F2RL1: variants seen among roughly 807,000 people sequenced by gnomAD.
F2RL1 encodes the protein proteinase-activated receptor 2.
F2RL1 carries 16 observed loss-of-function variants against 21.7 expected under a neutral mutation model. The observed-to-expected ratio is 0.74, with a 90% CI of 0.50 to 1.12. F2RL1 has a LOEUF of 1.12. Ranked by LOEUF, F2RL1 falls within the 50% of genes most tolerant of loss-of-function variation. The pLI is 0.00. For missense variants in F2RL1, 432 were observed against 477.8 expected (o/e 0.90, Z 0.89); for synonymous variants, 181 against 186.7 (o/e 0.97, Z 0.25).
At chr5:76,821,914 T>G (rs552305730) in intron 1 of F2RL1, among the ~76,000 whole-genome samples, 1 of 152,026 alleles carries the variant, frequency 6.6e-6, no homozygotes, top group Non-Finnish European at 1.5e-5. Context: ...AAACAATATG[T>G]GATCACTCGA....
Position 76,819,038 on chromosome 5 carries a change from ACCCG to A in F2RL1, c.-141_-138del. On this transcript the variant is annotated 5_prime_UTR_variant, in exon 1 of 2. Coordinates refer to ENST00000296677, the MANE Select transcript of F2RL1 (RefSeq NM_005242.6). The stretch of plus-strand genomic sequence containing the variant: ...GCTCCTTCGGTTTCCCTGAAACCTA[ACCCG>A]CCCTGGGGAGGCGCGCAGCAGAGGC... The A allele has an allele frequency of 3.0e-6, 2 of 669,752 alleles. No homozygotes were observed. Among genetic ancestry groups the A allele is most frequent in the South Asian group, 1.9e-5 (1 of 52,804 alleles). 41.5% of individuals were successfully genotyped at this position (669,752 alleles called of 1,614,324 possible). A position where few individuals can be genotyped will look rare whatever the true frequency, so the allele number is the denominator to read the frequency against.
chr5:76,825,023 T>C (rs1315080334), intron 1 of F2RL1, among the ~76,000 whole-genome samples: 1 of 150,626 alleles, frequency 6.6e-6, no homozygotes, highest in Non-Finnish European at 1.5e-5. Flanking sequence ...TTTTTTTTTT[T>C]TTGAGACAGA....
Position 76,833,922 on chromosome 5 carries a change from C to A in F2RL1, c.*121C>A. The A allele has an allele frequency of 9.3e-7, 1 of 1,076,660 alleles. No homozygotes were observed. Among genetic ancestry groups the A allele is most frequent in the Non-Finnish European group, 1.3e-6 (1 of 749,534 alleles). The allele number at this position is 1,076,660 out of a possible 1,614,324, so 66.7% of individuals were successfully genotyped here. On this transcript the variant is annotated 3_prime_UTR_variant, in exon 2 of 2. Coordinates refer to ENST00000296677, the MANE Select transcript of F2RL1 (RefSeq NM_005242.6). ...CACCACATACCATGTGGATGCAGCA[C>A]CTCTCAGGATTGCTAGGAGCTCCCC...
In F2RL1 at chr5:76,819,162, G is replaced by A. The variant is rs762077297; in HGVS notation, c.-21G>A. On this transcript the variant is annotated 5_prime_UTR_variant, in exon 1 of 2. Coordinates refer to ENST00000296677, the MANE Select transcript of F2RL1 (RefSeq NM_005242.6). ...GCGGCGGCGGATTCCCCGCGCGCCCGGCGTCGGGGCTTCCAGGAGGATGCG... is the reference window on the plus strand; with the variant it reads ...GCGGCGGCGGATTCCCCGCGCGCCCAGCGTCGGGGCTTCCAGGAGGATGCG... 1.3e-6 allele frequency: 2 copies of A among 1,563,434 alleles called. No individual in the cohort carries two copies. The highest frequency in any genetic ancestry group is 1.2e-5 in the South Asian group (1 of 86,256).
At chr5:76,829,233 C>CT (rs747565946) in intron 1 of F2RL1, among the ~76,000 whole-genome samples, 19 of 149,848 alleles carry the variant, frequency 1.3e-4, no homozygotes, top group East Asian at 1.9e-4. Flanking sequence ...ACCTCCACAC[C>CT]TTTTTTTTAC....
At chr5:76,823,148 T>G (rs1339372796) in intron 1 of F2RL1, among the ~76,000 whole-genome samples, 1 of 150,986 alleles carries the variant, frequency 6.6e-6, no homozygotes, top group Non-Finnish European at 1.5e-5. Flanking sequence ...GAGAATGGCG[T>G]GAACCCGGGA....
In F2RL1 at chr5:76,819,210, C is replaced by G; in HGVS notation, c.28C>G (p.Leu10Val). The G allele has an allele frequency of 1.9e-6, 3 of 1,588,872 alleles. No homozygotes were observed. Among genetic ancestry groups the G allele is most frequent in the Non-Finnish European group, 2.5e-6 (3 of 1,176,544 alleles). Residue 10 changes from leucine to valine, a missense_variant, in exon 1 of 2, where the codon CTG becomes GTG. By Grantham distance (32) the Leu-to-Val change is conservative (BLOSUM62 1). Transcript: ENST00000296677. ...GCGGAGCCCCAGCGCGGCGTGGCTG[C>G]TGGGGGCCGCCATCCTGCTAGCAGC... MRSPSAAWL[L>V]GAAILLAASL... is the part of the protein sequence containing the mutation.
In F2RL1 at chr5:76,833,188, T is replaced by C. The variant is rs769593247; in HGVS notation, c.581T>C (p.Ile194Thr). Residue 194 changes from isoleucine to threonine, a missense_variant, in exon 2 of 2, where the codon ATC (isoleucine) becomes ACC (threonine). Ile to Thr is a moderately conservative substitution (Grantham distance 89, BLOSUM62 -1). Coordinates refer to ENST00000296677, the MANE Select transcript of F2RL1 (RefSeq NM_005242.6). ...AAGAAGGCAAACATTGCCATTGGCA[T>C]CTCCCTGGCAATATGGCTGCTGATT... Reference protein sequence around the residue: ...SRKKANIAIGISLAIWLLILL... With the variant: ...SRKKANIAIGTSLAIWLLILL... The C allele has an allele frequency of 9.3e-6, 15 of 1,613,926 alleles. No homozygotes were observed. The highest frequency in any genetic ancestry group is 2.7e-5 in the African/African-American group (2 of 74,916).
At chr5:76,823,813 C>CTTT (rs5868840) in intron 1 of F2RL1, among the ~76,000 whole-genome samples, 19 of 127,226 alleles carry the variant, frequency 1.5e-4, no homozygotes, top group African/African-American at 2.7e-4. Flanking sequence ...TCTGTACAAA[C>CTTT]TTTTTTTTTT....
In F2RL1 at chr5:76,832,737, G is replaced by GGCA; in HGVS notation, c.131_133dup (p.Gly44_Thr45insSer). The stretch of plus-strand genomic sequence containing the variant: ...AAGAAGCCTTATTGGTAAGGTTGAT[G>GGCA]GCACATCCCACGTCACTGGAAAAGG... On this transcript the variant is annotated inframe_insertion, in exon 2 of 2. Transcript: ENST00000296677. 6.2e-7 allele frequency: 1 copy of GGCA among 1,614,042 alleles called. No homozygotes were observed. Among genetic ancestry groups the GGCA allele is most frequent in the Non-Finnish European group, 8.5e-7 (1 of 1,179,942 alleles).
At chr5:76,831,716 C>G (rs1349831175) in intron 1 of F2RL1, among the ~76,000 whole-genome samples, 1 of 151,962 alleles carries the variant, frequency 6.6e-6, no homozygotes, top group East Asian at 1.9e-4. Context: ...TTAACAGAGT[C>G]AGGGTTTCGC....
intron 1 of F2RL1, among the ~76,000 whole-genome samples, chr5:76,827,833 G>A (rs1443766093): frequency 6.6e-6 from 1 of 151,920 alleles, no homozygotes; most frequent in African/African-American, 2.4e-5. Flanking sequence ...CCCCGACCTC[G>A]TGATCTGCCT....
Position 76,819,218 on chromosome 5 carries a change from C to A in F2RL1, c.36C>A (p.Ala12=). 1 of 1,590,432 alleles carries A rather than the reference C, an allele frequency of 6.3e-7. No individual in the cohort carries two copies. Among genetic ancestry groups the A allele is most frequent in the Non-Finnish European group, 8.5e-7 (1 of 1,177,170 alleles). ...RSPSAAWLLG[A]AILLAASLSC... is the part of the protein sequence containing the mutation. ...CCAGCGCGGCGTGGCTGCTGGGGGC[C>A]GCCATCCTGCTAGCAGCCTCTCTCT... Residue 12 remains alanine (A), a synonymous_variant, in exon 1 of 2, where the codon GCC becomes GCA. Transcript: ENST00000296677.
chr5:76,824,705 A>G (rs535851727), intron 1 of F2RL1, among the ~76,000 whole-genome samples: 1 of 152,336 alleles, frequency 6.6e-6, no homozygotes, highest in East Asian at 1.9e-4. Context: ...TGAATATTCT[A>G]GTACATAAAA....
At chr5:76,825,772 TAC>T (rs2150605682) in intron 1 of F2RL1, among the ~76,000 whole-genome samples, 1 of 152,282 alleles carries the variant, frequency 6.6e-6, no homozygotes, top group Admixed American at 6.5e-5. Flanking sequence ...TCTTGACATT[TAC>T]CAGTGTTATA....
intron 1 of F2RL1, among the ~76,000 whole-genome samples, chr5:76,824,215 G>A (rs1750199500): frequency 7.3e-6 from 1 of 137,580 alleles, no homozygotes; most frequent in Admixed American, 8.0e-5. Flanking sequence ...CCAAGCTGGA[G>A]TGCAGTGGCA....
chr5:76,824,170 C>T (rs796757271), intron 1 of F2RL1, among the ~76,000 whole-genome samples: 1,497 of 90,540 alleles, frequency 0.017, 20 homozygotes, highest in African/African-American at 0.03. Context: ...CCCCCCCCCC[C>T]TTTTTTTTTT....
intron 1 of F2RL1, among the ~76,000 whole-genome samples, chr5:76,830,231 CCT>C (rs1208695874): frequency 2.0e-5 from 3 of 152,192 alleles, no homozygotes; most frequent in Non-Finnish European, 4.4e-5. Flanking sequence ...GTCACTCACT[CCT>C]CTGGCTTCTC....
chr5:76,834,002 C>G lies in F2RL1; in HGVS notation c.*201C>G. The G allele has an allele frequency of 3.6e-6, 2 of 560,852 alleles. No homozygotes were observed. The highest frequency in any genetic ancestry group is 5.5e-5 in the South Asian group (2 of 36,396). The allele number at this position is 560,852 out of a possible 1,614,324, so 34.7% of individuals were successfully genotyped here. A position where few individuals can be genotyped will look rare whatever the true frequency, so the allele number is the denominator to read the frequency against. ...TTAACATCAGTGTCTGTTTCAGAAT[C>G]TCTCTACTCAGATGACCCCAGAAAC... is the stretch of plus-strand genomic sequence containing the variant. On this transcript the variant is annotated 3_prime_UTR_variant, in exon 2 of 2. Coordinates refer to ENST00000296677, the MANE Select transcript of F2RL1 (RefSeq NM_005242.6).
Sources: allele counts gnomAD v4.1 joint callset (sites outside exome capture counted in the v4.1 genomes callset), GRCh38; gene constraint gnomAD v4.1.1; transcripts MANE v1.5; gene names NCBI Gene and HGNC (gene_info 2026-07-23, HGNC 2026-07-21).